Variants in ARFIP1 observed in about 807,000 individuals in gnomAD.
ARFIP1 encodes arfaptin-1.
A neutral mutation model predicts 42.5 loss-of-function variants in ARFIP1; 24 were observed. The observed-to-expected ratio is 0.57, with a 90% CI of 0.41 to 0.80. The LOEUF (loss-of-function observed/expected upper bound fraction) is 0.80, where lower values mean the gene tolerates loss of function less well. ARFIP1 is among the 30% of genes least tolerant of loss of function. ARFIP1 has a pLI of 0.00. For synonymous variants in ARFIP1, 141 were observed against 153.7 expected, an observed-to-expected ratio of 0.92 and a Z score of 0.61; for missense variants, 354 against 434.0, an observed-to-expected ratio of 0.82 and a Z score of 1.64.
intron 2 of ARFIP1, among the ~76,000 whole-genome samples, chr4:152,831,422 T>TG (rs981250911): frequency 2.5e-4 from 38 of 152,328 alleles, no homozygotes; most frequent in African/African-American, 8.9e-4. Flanking sequence ...GGAAGTCACT[T>TG]GCCATCTTAA....
intron 1 of ARFIP1, among the ~76,000 whole-genome samples, chr4:152,820,221 T>G (rs1730259829): frequency 6.6e-6 from 1 of 151,716 alleles, no homozygotes; most frequent in Non-Finnish European, 1.5e-5. Context: ...CATTGCAGTA[T>G]TGCATTTACC....
chr4:152,824,141 C>T (rs1730619831), intron 1 of ARFIP1, among the ~76,000 whole-genome samples: 1 of 151,780 alleles, frequency 6.6e-6, no homozygotes, highest in Admixed American at 6.6e-5. Context: ...GGTGAAACCC[C>T]CTCTCTACTA....
chr4:152,838,594 G>A (rs1376031221), intron 2 of ARFIP1, among the ~76,000 whole-genome samples: 2 of 152,088 alleles, frequency 1.3e-5, no homozygotes, highest in Non-Finnish European at 2.9e-5. Flanking sequence ...TCACTGTTGG[G>A]CTATAGAAGA....
chr4:152,797,324 C>T (rs1731526464), intron 1 of ARFIP1, among the ~76,000 whole-genome samples: 1 of 152,108 alleles, frequency 6.6e-6, no homozygotes, highest in African/African-American at 2.4e-5. Context: ...TTCCACTGGC[C>T]TATTTATGTG....
rs1738820571 is a variant in ARFIP1, at chr4:152,911,198, A to G, written c.*979A>G. The G allele has an allele frequency of 1.3e-5, 2 of 152,642 alleles. No homozygotes were observed. Among genetic ancestry groups the G allele is most frequent in the South Asian group, 4.1e-4 (2 of 4,836 alleles). 9.5% of individuals were successfully genotyped at this position (152,642 alleles called of 1,614,324 possible). ...TCCATAAAGAAACCCCTGTTGGATA[A>G]TGTTTGATGTGTCTATTCCTTCCAT... On this transcript the variant is annotated 3_prime_UTR_variant, in exon 9 of 9. Transcript: ENST00000353617.
intron 8 of ARFIP1, among the ~76,000 whole-genome samples, chr4:152,907,781 T>C (rs1212305845): frequency 6.6e-6 from 1 of 152,220 alleles, no homozygotes; most frequent in African/African-American, 2.4e-5. Context: ...TCTGTTCTCC[T>C]GTATATACAA....
chr4:152,870,127 G>A (rs570469994), intron 3 of ARFIP1, among the ~76,000 whole-genome samples: 1 of 152,302 alleles, frequency 6.6e-6, no homozygotes, highest in South Asian at 2.1e-4. Flanking sequence ...GGTTCAGTAG[G>A]TCTGGGCAGG....
At chr4:152,817,705 TAAG>T (rs1730014995) in intron 1 of ARFIP1, among the ~76,000 whole-genome samples, 1 of 152,146 alleles carries the variant, frequency 6.6e-6, no homozygotes. Flanking sequence ...ATGCATTTGA[TAAG>T]AAGTAAATAT....
rs1160383816 is a variant in ARFIP1, at chr4:152,912,303, G to C, written c.*2084G>C. On this transcript the variant is annotated 3_prime_UTR_variant, in exon 9 of 9. Coordinates refer to ENST00000353617, the MANE Select transcript of ARFIP1 (RefSeq NM_001025595.3). Reference sequence around the variant, plus strand: ...GAAAAGAATTAGAAGAAAATTTCAAGTAATAGAAGATAAGTACCTTCCCAA... The same window carrying C: ...GAAAAGAATTAGAAGAAAATTTCAACTAATAGAAGATAAGTACCTTCCCAA... 6.6e-6 allele frequency: 1 copy of C among 152,134 alleles called. No homozygotes were observed. Among genetic ancestry groups the C allele is most frequent in the Non-Finnish European group, 1.5e-5 (1 of 68,014 alleles). 9.4% of individuals were successfully genotyped at this position (152,134 alleles called of 1,614,324 possible).
chr4:152,817,436 C>A (rs114122458), intron 1 of ARFIP1, among the ~76,000 whole-genome samples: 1 of 152,168 alleles, frequency 6.6e-6, no homozygotes, highest in Non-Finnish European at 1.5e-5. Context: ...TGGACTCTTA[C>A]CTCACACCAT....
chr4:152,873,534 C>T (rs1735066109), intron 5 of ARFIP1, among the ~76,000 whole-genome samples: 1 of 152,130 alleles, frequency 6.6e-6, no homozygotes, highest in Admixed American at 6.5e-5. Context: ...TGGTAGTCTT[C>T]AAAAAGTGAT....
At chr4:152,892,785 G>GT (rs1317525424) in intron 8 of ARFIP1, among the ~76,000 whole-genome samples, 2 of 152,058 alleles carry the variant, frequency 1.3e-5, no homozygotes, top group East Asian at 1.9e-4. Flanking sequence ...TCTTCACCCC[G>GT]TGATTTAGTT....
intron 3 of ARFIP1, among the ~76,000 whole-genome samples, chr4:152,870,335 A>G (rs1475056964): frequency 1.3e-5 from 2 of 152,228 alleles, no homozygotes; most frequent in African/African-American, 4.8e-5. Flanking sequence ...TATCCCTTAC[A>G]TGCCTTTGAA....
At chr4:152,789,496 C>T (rs551724402) in intron 1 of ARFIP1, among the ~76,000 whole-genome samples, 1 of 152,216 alleles carries the variant, frequency 6.6e-6, no homozygotes, top group East Asian at 1.9e-4. Flanking sequence ...TCTGTTTTCC[C>T]CCTCCTTTTG....
rs568433122 is a variant in ARFIP1 at position 152,821,259 on chromosome 4, A to G, written c.-9-8366A>G. Among the ~76,000 whole-genome samples the G allele has an allele frequency of 2.7e-4, 41 of 152,318 alleles. No individual in the cohort carries two copies. In the South Asian group the frequency reaches 6.6e-3, roughly 25 times the overall value. The stretch of plus-strand genomic sequence containing the variant: ...ATAAATTTAAAAAACAATTCAGGAT[A>G]TGAATGAAAATTTTCTAAATTGATA... On this transcript the variant is annotated intron_variant, in intron 1 of 8. Coordinates refer to ENST00000353617, the MANE Select transcript of ARFIP1 (RefSeq NM_001025595.3).
intron 1 of ARFIP1, among the ~76,000 whole-genome samples, chr4:152,807,436 G>A (rs1729076140): frequency 6.6e-6 from 1 of 152,034 alleles, no homozygotes; most frequent in African/African-American, 2.4e-5. Flanking sequence ...TGGTATTATA[G>A]TCATCTTTAC....
chr4:152,864,821 CT>C (rs2149877418), intron 3 of ARFIP1, among the ~76,000 whole-genome samples: 1 of 151,582 alleles, frequency 6.6e-6, no homozygotes, highest in African/African-American at 2.4e-5. Flanking sequence ...TGTGTTAACT[CT>C]TTTCTGCACA....
At chr4:152,787,853 T>C (rs551877677) in intron 1 of ARFIP1, among the ~76,000 whole-genome samples, 5 of 152,348 alleles carry the variant, frequency 3.3e-5, no homozygotes, top group African/African-American at 1.2e-4. Context: ...AAAACATTTC[T>C]AGTCTCAAAC....
At chr4:152,850,115 C>T (rs951557672) in intron 2 of ARFIP1, among the ~76,000 whole-genome samples, 1 of 152,174 alleles carries the variant, frequency 6.6e-6, no homozygotes, top group Admixed American at 6.5e-5. Flanking sequence ...TTATTACTAT[C>T]CCCTGTCATT....
Sources: gnomAD v4.1 joint callset for allele counts (sites outside exome capture counted in the v4.1 genomes callset) on GRCh38, gnomAD v4.1.1 for gene constraint, MANE v1.5 for transcripts, NCBI Gene and HGNC (gene_info 2026-07-23, HGNC 2026-07-21) for gene names.